The following WASF2 variants were observed in gnomAD, a reference collection of about 807,000 sequenced individuals.
The protein encoded by WASF2 is WASP family member 2.
WASF2 carries 14 observed loss-of-function variants against 45.0 expected under a neutral mutation model. The observed-to-expected ratio is 0.31, with a 90% CI of 0.21 to 0.49. The LOEUF is 0.49. Ranked by LOEUF, WASF2 falls within the 20% of genes least tolerant of loss-of-function variation. The pLI is 0.99. For missense variants in WASF2, 439 were observed against 636.1 expected (o/e 0.69, Z 3.33); for synonymous variants, 200 against 236.3 (o/e 0.85, Z 1.41).
intron 2 of WASF2, among the ~76,000 whole-genome samples, chr1:27,420,208 G>A (rs909083843): frequency 6.6e-6 from 1 of 152,120 alleles, no homozygotes; most frequent in Admixed American, 6.5e-5. Flanking sequence ...TGCCCGGCTT[G>A]TAACCTATAA....
At chr1:27,475,199 A>G (rs2017749303) in intron 1 of WASF2, among the ~76,000 whole-genome samples, 1 of 152,126 alleles carries the variant, frequency 6.6e-6, no homozygotes, top group South Asian at 2.1e-4. Context: ...TCAAAGCTGC[A>G]GCGAGCCAAG....
rs2016737746 is a variant in WASF2, at chr1:27,409,919, G to A, written c.1112C>T (p.Pro371Leu). Residue 371 changes from proline (P) to leucine (L), a missense_variant, in exon 8 of 9, where the codon CCA becomes CTA. This residue lies in a region of WASF2 where 286 missense variants were observed against 373.5 expected (regional missense o/e 0.77). Coordinates refer to ENST00000618852, the MANE Select transcript of WASF2 (RefSeq NM_006990.5). The stretch of plus-strand genomic sequence containing the variant: ...TGGCAGAGTTGGGTAGTCAGCTGCT[G>A]GTGGTGGAGGAGGAGGTGGAGGGGC... The part of the protein sequence containing the change: ...FAAPPPPPPP[P>L]AADYPTLPPP... 1 of 1,596,282 alleles carries A rather than the reference G, an allele frequency of 6.3e-7. No homozygotes were observed. The highest frequency in any genetic ancestry group is 1.3e-5 in the African/African-American group (1 of 74,754).
At chr1:27,424,214 G>A (rs1003532133) in intron 2 of WASF2, among the ~76,000 whole-genome samples, 16 of 152,140 alleles carry the variant, frequency 1.1e-4, no homozygotes, top group South Asian at 4.1e-4. Flanking sequence ...AAGGTCATGA[G>A]CCTGAAGCAC....
At chr1:27,469,576 C>T (rs911311977) in intron 1 of WASF2, among the ~76,000 whole-genome samples, 1 of 152,024 alleles carries the variant, frequency 6.6e-6, no homozygotes, top group African/African-American at 2.4e-5. Context: ...AATACAAGAA[C>T]CAGTTTCTGT....
intron 1 of WASF2, among the ~76,000 whole-genome samples, chr1:27,436,525 C>T (rs945732336): frequency 1.2e-4 from 18 of 152,044 alleles, no homozygotes; most frequent in African/African-American, 3.6e-4. Flanking sequence ...GTTGGAAAGT[C>T]GAATAGTCAT....
intron 1 of WASF2, among the ~76,000 whole-genome samples, chr1:27,466,529 A>C (rs1292113349): frequency 1.3e-5 from 2 of 152,194 alleles, no homozygotes; most frequent in South Asian, 2.1e-4. Flanking sequence ...CTCCAAACCG[A>C]TATGTGCCGT....
Position 27,409,732 on chromosome 1 carries a change from C to T in WASF2, c.1299G>A (p.Val433=), listed in dbSNP as rs775726324. 6.6e-7 allele frequency: 1 copy of T among 1,515,036 alleles called. No homozygotes were observed. Among genetic ancestry groups the T allele is most frequent in the Non-Finnish European group, 8.8e-7 (1 of 1,133,332 alleles). 93.8% of individuals were successfully genotyped at this position (1,515,036 alleles called of 1,614,324 possible). The change falls in exon 8 of 9, where the codon GTG becomes GTA. Residue 433 remains valine (V), a synonymous_variant. Coordinates refer to ENST00000618852, the MANE Select transcript of WASF2 (RefSeq NM_006990.5). ...AAAGCAGGTCGCTACGGGCATCGCT[C>T]ACGGCAGGCAAGGAGGACTTGGGCT... ...TTKPKSSLPA[V]SDARSDLLSA... is the part of the protein sequence containing the mutation.
chr1:27,440,084 G>C (rs551923641), intron 1 of WASF2, among the ~76,000 whole-genome samples: 20 of 152,240 alleles, frequency 1.3e-4, no homozygotes, highest in African/African-American at 4.8e-4. Context: ...CAGACGGAAA[G>C]GTTTTTCAAG....
intron 4 of WASF2, among the ~76,000 whole-genome samples, chr1:27,417,529 ATTAC>A (rs1313215904): frequency 6.6e-6 from 1 of 152,184 alleles, no homozygotes; most frequent in African/African-American, 2.4e-5. Flanking sequence ...GCTATCTGTA[ATTAC>A]TTTTTACCTG....
At chr1:27,429,047 A>T (rs74061798) in intron 1 of WASF2, 114 bp from the exon 2 acceptor site, 62,651 of 883,466 alleles carry the variant, frequency 0.071, 2,747 homozygotes, top group Middle Eastern at 0.11. Context: ...AAACAGCTTT[A>T]AAAAAAATCT....
intron 1 of WASF2, among the ~76,000 whole-genome samples, chr1:27,487,664 ATTATATATATT>A (rs2017961516): frequency 1.9e-5 from 2 of 105,012 alleles, no homozygotes; most frequent in South Asian, 4.8e-4. Context: ...TATAATATAT[ATTATATATATT>A]TTATATAATA....
intron 7 of WASF2, among the ~76,000 whole-genome samples, chr1:27,411,690 T>C (rs984845458): frequency 4.6e-5 from 7 of 152,102 alleles, no homozygotes; most frequent in African/African-American, 1.2e-4. Context: ...GGTGAAACCC[T>C]GTCTCTACTA....
intron 2 of WASF2, among the ~76,000 whole-genome samples, chr1:27,421,652 C>T (rs1313448510): frequency 1.3e-5 from 2 of 152,230 alleles, no homozygotes; most frequent in East Asian, 1.9e-4. Context: ...CCCATCTCTA[C>T]TAATAATACA....
At chr1:27,478,322 A>T (rs1487652746) in intron 1 of WASF2, among the ~76,000 whole-genome samples, 2 of 151,646 alleles carry the variant, frequency 1.3e-5, no homozygotes, top group African/African-American at 2.4e-5. Context: ...GCAAATTAGT[A>T]GCTGTGGTTT....
intron 1 of WASF2, among the ~76,000 whole-genome samples, chr1:27,436,491 A>C (rs892958173): frequency 6.6e-6 from 1 of 152,140 alleles, no homozygotes; most frequent in African/African-American, 2.4e-5. Flanking sequence ...AAGAATATGC[A>C]TTTCACTAGG....
chr1:27,480,898 A>C lies in WASF2; in HGVS notation c.-44+9088T>G, dbSNP rs887768869. Among the ~76,000 whole-genome samples the C allele has an allele frequency of 1.1e-4, 17 of 151,216 alleles. No individual in the cohort carries two copies. The East Asian group carries it at 1.2e-3, about 10-fold the overall frequency. On this transcript the variant is annotated intron_variant, in intron 1 of 8. Transcript: ENST00000618852. Reference sequence around the variant, plus strand: ...GTGGCAGGCGCCTGTAGTCCCAGCTACTCCCAGCTCCTCCCTGTAGTCCCA... The same window carrying C: ...GTGGCAGGCGCCTGTAGTCCCAGCTCCTCCCAGCTCCTCCCTGTAGTCCCA...
At chr1:27,461,726 G>A (rs1476498491) in intron 1 of WASF2, among the ~76,000 whole-genome samples, 4 of 151,722 alleles carry the variant, frequency 2.6e-5, no homozygotes, top group Non-Finnish European at 4.4e-5. Context: ...CACCCGCCTC[G>A]GCCTCCCAAA....
At chr1:27,428,228 T>C (rs1215493775) in intron 2 of WASF2, among the ~76,000 whole-genome samples, 2 of 152,162 alleles carry the variant, frequency 1.3e-5, no homozygotes, top group Non-Finnish European at 2.9e-5. Flanking sequence ...TGCAGCACAA[T>C]TAAATGTGTA....
chr1:27,437,913 A>C (rs929937128), intron 1 of WASF2, among the ~76,000 whole-genome samples: 1 of 152,214 alleles, frequency 6.6e-6, no homozygotes, highest in Admixed American at 6.5e-5. Context: ...AAAGTATCAA[A>C]CCTCAACAAA....
Sources: allele counts gnomAD v4.1 joint callset (sites outside exome capture counted in the v4.1 genomes callset), GRCh38; gene constraint gnomAD v4.1.1; regional missense constraint gnomAD v4.1.1; transcripts MANE v1.5; gene names NCBI Gene and HGNC (gene_info 2026-07-23, HGNC 2026-07-21).